LARGE1: variants seen among roughly 807,000 people sequenced by gnomAD.
LARGE1 encodes LARGE xylosyl- and glucuronyltransferase 1.
In LARGE1, 43 loss-of-function variants were observed where a neutral mutation model predicts 87.6. The ratio of observed to expected loss-of-function variants is 0.49; its 90% CI spans 0.38 to 0.63. The LOEUF (loss-of-function observed/expected upper bound fraction) is 0.63, where lower values mean the gene tolerates loss of function less well. Ranked by LOEUF, LARGE1 falls within the 30% of genes least tolerant of loss-of-function variation. The pLI, the probability that LARGE1 is intolerant of heterozygous loss-of-function variation, is 0.00. For missense variants in LARGE1, 802 were observed against 1,000.2 expected, an observed-to-expected ratio of 0.80 and a Z score of 2.67; for synonymous variants, 434 against 394.6, an observed-to-expected ratio of 1.10 and a Z score of -1.18.
At chr22:33,715,458 T>C (rs780143654) in intron 2 of LARGE1, among the ~76,000 whole-genome samples, 2 of 152,150 alleles carry the variant, frequency 1.3e-5, no homozygotes, top group Non-Finnish European at 2.9e-5. Context: ...GTGGTCTTCC[T>C]AGCTGGCTGC....
Position 33,891,113 on chromosome 22 carries a change from TC to T in LARGE1, c.-83+28881del, listed in dbSNP as rs1377498951. The stretch of plus-strand genomic sequence containing the variant: ...CTCCTCAACAGGCAGGCCCCTTGCT[TC>T]CCCCTTGCCTCATTCAGACCCCTCA... On this transcript the variant is annotated intron_variant, in intron 1 of 14. Transcript: ENST00000397394. 4.6e-5 allele frequency among the ~76,000 whole-genome samples: 7 copies of T among 152,164 alleles called. No homozygotes were observed. In the East Asian group the frequency reaches 1.4e-3, roughly 29 times the overall value.
the LARGE1 span, among the ~76,000 whole-genome samples, chr22:33,135,655 C>G: frequency 6.6e-6 from 1 of 152,100 alleles, no homozygotes; most frequent in Non-Finnish European, 1.5e-5. Flanking sequence ...GCCTGGCCAA[C>G]ATGGCAAAAC....
intron 7 of LARGE1, among the ~76,000 whole-genome samples, chr22:33,385,872 C>G (rs1352481600): frequency 2.0e-5 from 3 of 148,752 alleles, no homozygotes; most frequent in Admixed American, 2.0e-4. Flanking sequence ...TTAGTTGAAA[C>G]CTAGCACCTG....
At position 33,351,744 on chromosome 22, in the gene LARGE1, A is replaced by C. The variant is rs187579280; in HGVS notation, c.1132-13943T>G. Among the ~76,000 whole-genome samples the C allele has an allele frequency of 2.3e-5, 3 of 129,214 alleles. No homozygotes were observed. In the Admixed American group the frequency reaches 2.6e-4, roughly 11 times the overall value. 84.8% of individuals were successfully genotyped at this position (129,214 alleles called of 152,430 possible). A position where few individuals can be genotyped will look rare whatever the true frequency, so the allele number is the denominator to read the frequency against. On this transcript the variant is annotated intron_variant, in intron 9 of 14. Transcript: ENST00000397394. ...TTTCAAAAAATAAAGTATCAAAGGG[A>C]AAATTAGAAACTTTTTTTTTTTTTT...
At chr22:33,895,620 G>T (rs1253400587) in intron 1 of LARGE1, among the ~76,000 whole-genome samples, 2 of 152,158 alleles carry the variant, frequency 1.3e-5, no homozygotes, top group East Asian at 1.9e-4. Flanking sequence ...GTGGGCAGGG[G>T]TCACCCTCTG....
chr22:33,499,663 G>T lies in LARGE1; in HGVS notation c.787+65185C>A, dbSNP rs552571629. On this transcript the variant is annotated intron_variant, in intron 6 of 14. Coordinates refer to ENST00000397394, the MANE Select transcript of LARGE1 (RefSeq NM_133642.5). Reference sequence around the variant, plus strand: ...TCATTATTTAACTCAATATGGTAGAGATTTTATTGACTTATAGGCATGAGG... The same window carrying T: ...TCATTATTTAACTCAATATGGTAGATATTTTATTGACTTATAGGCATGAGG... 3.5e-5 allele frequency among the ~76,000 whole-genome samples: 5 copies of T among 141,392 alleles called. No individual in the cohort carries two copies. In the East Asian group the frequency reaches 9.9e-4, roughly 28 times the overall value. The allele number at this position is 141,392 out of a possible 152,430, so 92.8% of individuals were successfully genotyped here. A position where few individuals can be genotyped will look rare whatever the true frequency, so the allele number is the denominator to read the frequency against.
At chr22:33,307,831 C>T (rs577984229) in intron 11 of LARGE1, among the ~76,000 whole-genome samples, 2 of 151,280 alleles carry the variant, frequency 1.3e-5, no homozygotes, top group Non-Finnish European at 2.9e-5. Context: ...GGCAGTGGTG[C>T]GATCTCGGCT....
chr22:33,431,754 C>T (rs1186299988), intron 7 of LARGE1, among the ~76,000 whole-genome samples: 1 of 152,156 alleles, frequency 6.6e-6, no homozygotes, highest in Admixed American at 6.5e-5. Context: ...ACACAGATCC[C>T]TGAAGACCTC....
the LARGE1 span, among the ~76,000 whole-genome samples, chr22:33,092,796 C>T: frequency 2.0e-5 from 3 of 152,162 alleles, no homozygotes; most frequent in Admixed American, 6.5e-5. Context: ...CTGCAAAGGA[C>T]ATGATCTCGC....
the LARGE1 span, among the ~76,000 whole-genome samples, chr22:33,145,600 A>G: frequency 9.9e-5 from 15 of 152,200 alleles, no homozygotes; most frequent in African/African-American, 3.4e-4. Flanking sequence ...AGCTGGACAA[A>G]GCGGAGTCTG....
In LARGE1 at chr22:33,537,569, T is replaced by C. The variant is rs909418186; in HGVS notation, c.787+27279A>G. 5.9e-5 allele frequency among the ~76,000 whole-genome samples: 9 copies of C among 152,230 alleles called. No homozygotes were observed. In the South Asian group the frequency reaches 8.3e-4, roughly 14 times the overall value. The stretch of plus-strand genomic sequence containing the variant: ...TCCCTTTTGCTATACAGGGTTTATT[T>C]GTTTATTTGTTTTTTTAAGACGGAG... On this transcript the variant is annotated intron_variant, in intron 6 of 14. Transcript: ENST00000397394.
chr22:33,690,840 A>C (rs1230177095), intron 2 of LARGE1, among the ~76,000 whole-genome samples: 1 of 151,974 alleles, frequency 6.6e-6, no homozygotes, highest in Non-Finnish European at 1.5e-5. Context: ...TTCTGCCTAC[A>C]TGCCTGTCCC....
chr22:33,782,030 A>G (rs1476370234), intron 1 of LARGE1, among the ~76,000 whole-genome samples: 2 of 152,178 alleles, frequency 1.3e-5, no homozygotes, highest in East Asian at 3.8e-4. Context: ...GTTCTCTAAT[A>G]CAATGTAAAT....
Position 33,853,953 on chromosome 22 carries a change from C to T in LARGE1, c.-83+66042G>A, listed in dbSNP as rs145546377. 1.2e-3 allele frequency among the ~76,000 whole-genome samples: 178 copies of T among 152,218 alleles called. 1 individual carries two copies. The highest frequency in any genetic ancestry group is 4.0e-3 in the African/African-American group (165 of 41,542). On this transcript the variant is annotated intron_variant, in intron 1 of 14. Transcript: ENST00000397394. ...AAGCAAATGCGAAAGTGAAACTGCT[C>T]TCAGCAGGTCCCAACTGAGTCCCTA... is the stretch of plus-strand genomic sequence containing the variant.
intron 6 of LARGE1, among the ~76,000 whole-genome samples, chr22:33,541,703 C>G (rs61501786): frequency 2.0e-5 from 3 of 148,582 alleles, no homozygotes; most frequent in Admixed American, 6.8e-5. Flanking sequence ...CTGGAGTCAT[C>G]GTCTTACTGT....
chr22:33,268,429 C>CTT (rs71320968), downstream of LARGE1, among the ~76,000 whole-genome samples: 51 of 132,956 alleles, frequency 3.8e-4, 1 homozygote, highest in East Asian at 1.1e-3. Flanking sequence ...TGTTAAAAAA[C>CTT]TTTTTTTTTT....
chr22:33,822,156 A>G (rs2086845570), intron 1 of LARGE1, among the ~76,000 whole-genome samples: 1 of 152,194 alleles, frequency 6.6e-6, no homozygotes, highest in Non-Finnish European at 1.5e-5. Flanking sequence ...TAAGCTGCCA[A>G]CAGCACTATG....
At chr22:33,434,552 G>T (rs1433916193) in intron 6 of LARGE1, among the ~76,000 whole-genome samples, 1 of 152,172 alleles carries the variant, frequency 6.6e-6, no homozygotes, top group East Asian at 1.9e-4. Flanking sequence ...GCCTGCCTCG[G>T]CCTCCCAAAG....
At chr22:33,335,357 T>C (rs1296224133) in intron 10 of LARGE1, among the ~76,000 whole-genome samples, 8 of 152,088 alleles carry the variant, frequency 5.3e-5, no homozygotes, top group African/African-American at 1.9e-4. Context: ...AGAAGGCCTC[T>C]AGGGTGATGG....
Sources: gnomAD v4.1 joint callset for allele counts (sites outside exome capture counted in the v4.1 genomes callset) on GRCh38, gnomAD v4.1.1 for gene constraint, MANE v1.5 for transcripts, NCBI Gene and HGNC (gene_info 2026-07-23, HGNC 2026-07-21) for gene names.